CNTNAP2: variants seen among roughly 807,000 people sequenced by gnomAD.
CNTNAP2 encodes the protein contactin associated protein 2, also known as contactin-associated protein-like 2.
CNTNAP2 carries 98 observed loss-of-function variants against 155.2 expected under a neutral mutation model. That is an observed-to-expected ratio of 0.63 (90% confidence interval 0.54 to 0.75). The LOEUF (loss-of-function observed/expected upper bound fraction) is 0.75. Ranked by LOEUF, CNTNAP2 falls within the 30% of genes least tolerant of loss-of-function variation. The pLI is 0.00. For missense variants in CNTNAP2, 1,727 were observed against 1,688.1 expected (o/e 1.02, Z -0.40); for synonymous variants, 651 against 631.2 (o/e 1.03, Z -0.47).
At chr7:146,774,731 G>A (rs73170324) in intron 2 of CNTNAP2, among the ~76,000 whole-genome samples, 9,062 of 152,056 alleles carry the variant, frequency 0.06, 375 homozygotes, top group African/African-American at 0.11. Flanking sequence ...CCCAAAATGC[G>A]TACGGTGTAT....
At chr7:146,350,508 T>C (rs1358025434) in intron 1 of CNTNAP2, among the ~76,000 whole-genome samples, 1 of 151,742 alleles carries the variant, frequency 6.6e-6, no homozygotes, top group Non-Finnish European at 1.5e-5. Flanking sequence ...AGAATGGCAA[T>C]CATTAAAAAG....
chr7:147,571,764 T>G (rs1800299068), intron 12 of CNTNAP2, among the ~76,000 whole-genome samples: 2 of 152,126 alleles, frequency 1.3e-5, no homozygotes. Flanking sequence ...CTTTATATCA[T>G]AACTATTTCT....
chr7:147,250,321 C>T (rs1804168340), intron 8 of CNTNAP2, among the ~76,000 whole-genome samples: 1 of 152,078 alleles, frequency 6.6e-6, no homozygotes, highest in South Asian at 2.1e-4. Context: ...ATCAAGAGAA[C>T]CTGCCCCTTT....
chr7:147,701,053 C>T (rs1316695049), intron 13 of CNTNAP2, among the ~76,000 whole-genome samples: 1 of 152,184 alleles, frequency 6.6e-6, no homozygotes, highest in Non-Finnish European at 1.5e-5. Flanking sequence ...TGTCTCTGAA[C>T]TGCTGGGACG....
At chr7:146,723,398 A>G (rs529736540) in intron 1 of CNTNAP2, among the ~76,000 whole-genome samples, 97 of 152,276 alleles carry the variant, frequency 6.4e-4, no homozygotes, top group African/African-American at 2.3e-3. Context: ...GTTCTAACTC[A>G]CCCGATTTGT....
At chr7:146,459,972 A>G (rs1796611877) in intron 1 of CNTNAP2, among the ~76,000 whole-genome samples, 1 of 152,062 alleles carries the variant, frequency 6.6e-6, no homozygotes, top group Admixed American at 6.6e-5. Context: ...TCCATCTCAA[A>G]CAAAAAACAA....
intron 21 of CNTNAP2, among the ~76,000 whole-genome samples, chr7:148,356,225 T>TA (rs141371066): frequency 6.6e-5 from 10 of 152,024 alleles, no homozygotes; most frequent in South Asian, 2.1e-4. Flanking sequence ...TTTTAAAATA[T>TA]AAAAAAAAGA....
intron 1 of CNTNAP2, among the ~76,000 whole-genome samples, chr7:146,359,599 A>G (rs1795052801): frequency 6.6e-6 from 1 of 152,226 alleles, no homozygotes; most frequent in Non-Finnish European, 1.5e-5. Flanking sequence ...TATTTATGGT[A>G]GAGTTGTAGG....
chr7:147,174,843 C>T (rs1440219514), intron 8 of CNTNAP2, among the ~76,000 whole-genome samples: 1 of 152,050 alleles, frequency 6.6e-6, no homozygotes, highest in Non-Finnish European at 1.5e-5. Context: ...TTGGAGTACT[C>T]CTTTGTCGCA....
At chr7:148,046,506 T>C (rs140069168) in intron 15 of CNTNAP2, among the ~76,000 whole-genome samples, 5 of 152,348 alleles carry the variant, frequency 3.3e-5, no homozygotes, top group African/African-American at 7.2e-5. Context: ...CCTTCAACTC[T>C]GGTTGAAGTA....
intron 1 of CNTNAP2, among the ~76,000 whole-genome samples, chr7:146,223,499 C>T (rs1194271103): frequency 6.6e-6 from 1 of 152,058 alleles, no homozygotes. Flanking sequence ...TCACTGTCAC[C>T]CTTCTGTCTA....
intron 14 of CNTNAP2, among the ~76,000 whole-genome samples, chr7:147,965,815 T>C (rs1801199529): frequency 6.6e-6 from 1 of 152,112 alleles, no homozygotes; most frequent in Non-Finnish European, 1.5e-5. Context: ...TATTTTGAAG[T>C]TCTGTTTTTA....
chr7:147,413,297 G>A (rs561518516), intron 10 of CNTNAP2, among the ~76,000 whole-genome samples: 3 of 152,316 alleles, frequency 2.0e-5, no homozygotes, highest in East Asian at 3.9e-4. Context: ...GGGAATGGAA[G>A]CGTTGGAGAA....
At chr7:146,370,343 C>G (rs1795217055) in intron 1 of CNTNAP2, among the ~76,000 whole-genome samples, 1 of 149,226 alleles carries the variant, frequency 6.7e-6, no homozygotes, top group South Asian at 2.1e-4. Flanking sequence ...GAGGCTGATG[C>G]AAGAGATTCG....
chr7:146,490,991 T>C (rs1797130244), intron 1 of CNTNAP2, among the ~76,000 whole-genome samples: 1 of 152,186 alleles, frequency 6.6e-6, no homozygotes, highest in Non-Finnish European at 1.5e-5. Flanking sequence ...TAGATATTTA[T>C]CTATAAATAT....
chr7:146,442,695 A>C (rs180749321), intron 1 of CNTNAP2, among the ~76,000 whole-genome samples: 1 of 152,186 alleles, frequency 6.6e-6, no homozygotes, highest in East Asian at 1.9e-4. Context: ...TGCTCACTTG[A>C]CATTTTTGTG....
chr7:146,343,910 G>A (rs975721599), intron 1 of CNTNAP2, among the ~76,000 whole-genome samples: 1 of 151,892 alleles, frequency 6.6e-6, no homozygotes, highest in Non-Finnish European at 1.5e-5. Flanking sequence ...TAAATAAATT[G>A]TACAGTAATT....
intron 18 of CNTNAP2, among the ~76,000 whole-genome samples, chr7:148,216,992 C>T (rs1781957381): frequency 2.0e-5 from 3 of 152,222 alleles, no homozygotes; most frequent in Admixed American, 2.0e-4. Flanking sequence ...GAGGCCTCCC[C>T]AGCCATATGG....
At chr7:147,924,633 T>C (rs1464044041) in intron 14 of CNTNAP2, among the ~76,000 whole-genome samples, 1 of 151,918 alleles carries the variant, frequency 6.6e-6, no homozygotes, top group Admixed American at 6.6e-5. Context: ...CCACCTCCTG[T>C]AGAGAAAAGG....
Sources: allele counts gnomAD v4.1 joint callset (sites outside exome capture counted in the v4.1 genomes callset), GRCh38; gene constraint gnomAD v4.1.1; transcripts MANE v1.5; gene names NCBI Gene and HGNC (gene_info 2026-07-23, HGNC 2026-07-21).